The following GRIK3 variants were observed in gnomAD, a reference collection of about 807,000 sequenced individuals.
GRIK3 encodes glutamate receptor ionotropic, kainate 3.
In GRIK3, 29 loss-of-function variants were observed where a neutral mutation model predicts 102.5. The observed-to-expected ratio is 0.28, with a 90% confidence interval of 0.21 to 0.39. GRIK3 has a LOEUF of 0.39. Ranked by LOEUF, GRIK3 falls within the 10% of genes least tolerant of loss-of-function variation. The pLI, the probability that GRIK3 is intolerant of heterozygous loss-of-function variation, is 1.00. For missense variants in GRIK3, 908 were observed against 1,252.4 expected, an observed-to-expected ratio of 0.73 and a Z score of 4.15; for synonymous variants, 511 against 504.9, an observed-to-expected ratio of 1.01 and a Z score of -0.16.
At chr1:36,979,377 G>C (rs1384375702) in intron 1 of GRIK3, among the ~76,000 whole-genome samples, 1 of 152,216 alleles carries the variant, frequency 6.6e-6, no homozygotes, top group Non-Finnish European at 1.5e-5. Context: ...GGCTGGTTTT[G>C]GTCTCTTGAC....
chr1:36,913,898 A>C (rs981275485), intron 1 of GRIK3, among the ~76,000 whole-genome samples: 10 of 152,134 alleles, frequency 6.6e-5, no homozygotes, highest in African/African-American at 2.4e-4. Flanking sequence ...CAACTCTCCC[A>C]AAACCAACAC....
chr1:36,928,965 G>T (rs116512785), intron 1 of GRIK3, among the ~76,000 whole-genome samples: 2,003 of 152,284 alleles, frequency 0.013, 18 homozygotes, highest in South Asian at 0.028. Flanking sequence ...TAATGAGAAT[G>T]ACTCATGTTT....
chr1:36,914,524 C>A (rs1641378691), intron 1 of GRIK3, among the ~76,000 whole-genome samples: 1 of 152,156 alleles, frequency 6.6e-6, no homozygotes, highest in African/African-American at 2.4e-5. Flanking sequence ...TGGAAACACG[C>A]TTCTGGAAAT....
rs1368739587 is a variant in GRIK3 at position 36,804,967 on chromosome 1, C to T, written c.2565+20G>A. 2 of 1,613,442 alleles carry T rather than the reference C, an allele frequency of 1.2e-6. No individual in the cohort carries two copies. Among genetic ancestry groups the T allele is most frequent in the Non-Finnish European group, 1.7e-6 (2 of 1,179,620 alleles). On this transcript the variant is annotated intron_variant, in intron 15 of 15. Coordinates refer to ENST00000373091, the MANE Select transcript of GRIK3 (RefSeq NM_000831.4). Reference sequence around the variant, plus strand: ...ATCTCCATTTCCCATCCTGTGCAGGCTCCAAGCTCTAAGGCTTACCTGCTC... The same window carrying T: ...ATCTCCATTTCCCATCCTGTGCAGGTTCCAAGCTCTAAGGCTTACCTGCTC...
At chr1:36,841,487 A>T (rs1042478112) in intron 10 of GRIK3, among the ~76,000 whole-genome samples, 6 of 152,170 alleles carry the variant, frequency 3.9e-5, no homozygotes, top group Non-Finnish European at 7.3e-5. Context: ...TCTGAATCAG[A>T]TGGAGGCCAG....
intron 1 of GRIK3, among the ~76,000 whole-genome samples, chr1:36,975,540 G>A (rs568326618): frequency 6.6e-5 from 10 of 152,246 alleles, no homozygotes; most frequent in African/African-American, 2.2e-4. Context: ...GTGATCTCCC[G>A]CCTTGGCCTC....
chr1:36,929,065 G>T (rs747846961), intron 1 of GRIK3, among the ~76,000 whole-genome samples: 6 of 152,026 alleles, frequency 3.9e-5, no homozygotes, highest in Admixed American at 1.3e-4. Flanking sequence ...TCTTAGTTTC[G>T]ATTTACAGAT....
chr1:36,959,077 G>A lies in GRIK3; in HGVS notation c.116-67981C>T, dbSNP rs1159981507. Reference sequence around the variant, plus strand: ...CCCTGTGAGCCTGCACCCCATGAGCGTCTATGACCTGTGAGTCTGTGAGTC... The same window carrying A: ...CCCTGTGAGCCTGCACCCCATGAGCATCTATGACCTGTGAGTCTGTGAGTC... On this transcript the variant is annotated intron_variant, in intron 1 of 15. Coordinates refer to ENST00000373091, the MANE Select transcript of GRIK3 (RefSeq NM_000831.4). Among the ~76,000 whole-genome samples, 7 of 96,046 alleles carry A rather than the reference G, an allele frequency of 7.3e-5. 1 individual carries two copies. The highest frequency in any genetic ancestry group is 7.5e-5 in the African/African-American group (2 of 26,504). 63.0% of individuals were successfully genotyped at this position (96,046 alleles called of 152,430 possible).
chr1:36,857,060 A>G (rs1178801592), intron 7 of GRIK3, among the ~76,000 whole-genome samples: 1 of 152,200 alleles, frequency 6.6e-6, no homozygotes, highest in African/African-American at 2.4e-5. Context: ...ATAAGGTGCT[A>G]TTTTTATCTC....
At chr1:37,010,910 T>G (rs1642589523) in intron 1 of GRIK3, among the ~76,000 whole-genome samples, 3 of 151,462 alleles carry the variant, frequency 2.0e-5, no homozygotes, top group African/African-American at 4.9e-5. Flanking sequence ...CCCGGCTAAT[T>G]TTTTGTATTT....
intron 1 of GRIK3, among the ~76,000 whole-genome samples, chr1:37,030,611 T>G (rs1179813627): frequency 2.2e-5 from 3 of 133,870 alleles, no homozygotes; most frequent in Admixed American, 9.1e-5. Flanking sequence ...CCCCACTGGC[T>G]GGCTGGAGAT....
At chr1:36,984,814 A>T (rs1642287749) in intron 1 of GRIK3, among the ~76,000 whole-genome samples, 1 of 152,234 alleles carries the variant, frequency 6.6e-6, no homozygotes, top group Admixed American at 6.5e-5. Context: ...GAAGGGCTGC[A>T]GTGAATGACA....
Position 36,795,550 on chromosome 1 carries a change from T to C in GRIK3, c.*6301A>G, listed in dbSNP as rs1366984435. The C allele has an allele frequency of 6.6e-6, 1 of 152,226 alleles. No homozygotes were observed. The highest frequency in any genetic ancestry group is 1.5e-5 in the Non-Finnish European group (1 of 68,038). The allele number at this position is 152,226 out of a possible 1,614,324, so 9.4% of individuals were successfully genotyped here. A position where few individuals can be genotyped will look rare whatever the true frequency, so the allele number is the denominator to read the frequency against. ...AGCCCTGTTTTCTAGAAACATTTTA[T>C]TTAAAATTTAAAACCATATTACTTC... On this transcript the variant is annotated 3_prime_UTR_variant, in exon 16 of 16. Transcript: ENST00000373091.
rs760086862 is a variant in GRIK3 at position 36,859,999 on chromosome 1, G to T, written c.805C>A (p.Leu269Met). Residue 269 changes from leucine to methionine, a missense_variant, in exon 6 of 16, where the codon CTG becomes ATG. This residue lies in a region of GRIK3 where 585 missense variants were observed against 824.9 expected (regional missense o/e 0.71). Coordinates refer to ENST00000373091, the MANE Select transcript of GRIK3 (RefSeq NM_000831.4). The stretch of plus-strand genomic sequence containing the variant: ...ACGCCTGAGTAGCGGTAGGGCTCCA[G>T]GTCTAAAGCGTAGAGATCCTGGATA... ...FTTLDLYALD[L>M]EPYRYSGVNL... is the part of the protein sequence containing the mutation. 1 of 1,601,230 alleles carries T rather than the reference G, an allele frequency of 6.2e-7. No homozygotes were observed. Among genetic ancestry groups the T allele is most frequent in the East Asian group, 2.2e-5 (1 of 44,818 alleles).
intron 10 of GRIK3, among the ~76,000 whole-genome samples, chr1:36,831,393 A>C (rs2124204006): frequency 6.6e-6 from 1 of 151,832 alleles, no homozygotes; most frequent in East Asian, 1.9e-4. Flanking sequence ...AACCAGCCTC[A>C]CTCCTGCCAT....
At chr1:36,978,164 CA>C (rs1408405199) in intron 1 of GRIK3, among the ~76,000 whole-genome samples, 1 of 152,270 alleles carries the variant, frequency 6.6e-6, no homozygotes, top group Non-Finnish European at 1.5e-5. Flanking sequence ...AGATTCTGTA[CA>C]AAATCCATCA....
chr1:36,954,015 C>T (rs1342974276), intron 1 of GRIK3, among the ~76,000 whole-genome samples: 3 of 152,152 alleles, frequency 2.0e-5, no homozygotes, highest in Admixed American at 1.3e-4. Flanking sequence ...GCCAGCTGAG[C>T]CAAGCTCTGA....
chr1:36,922,500 C>G (rs1641484781), intron 1 of GRIK3, among the ~76,000 whole-genome samples: 1 of 152,198 alleles, frequency 6.6e-6, no homozygotes, highest in Admixed American at 6.5e-5. Context: ...GCTTTACTGG[C>G]TGCCACCCTT....
At chr1:36,807,916 G>A (rs1303698046) in intron 13 of GRIK3, among the ~76,000 whole-genome samples, 1 of 152,130 alleles carries the variant, frequency 6.6e-6, no homozygotes, top group Non-Finnish European at 1.5e-5. Flanking sequence ...AGCTCTCACT[G>A]GCCTCTCCCA....
Sources: allele counts gnomAD v4.1 joint callset (sites outside exome capture counted in the v4.1 genomes callset), GRCh38; gene constraint gnomAD v4.1.1; regional missense constraint gnomAD v4.1.1; transcripts MANE v1.5; gene names NCBI Gene and HGNC (gene_info 2026-07-23, HGNC 2026-07-21).